The following SLC35D4 variants were observed in gnomAD, a reference collection of about 807,000 sequenced individuals.
SLC35D4 encodes UDP-N-acetylglucosamine transporter SLC35D4.
chr18:23,244,459 G>C, the SLC35D4 span, among the ~76,000 whole-genome samples: 1 of 152,206 alleles, frequency 6.6e-6, no homozygotes, highest in Non-Finnish European at 1.5e-5. Flanking sequence ...TAGGCTACCC[G>C]TTTATTTCCA....
the SLC35D4 span, among the ~76,000 whole-genome samples, chr18:23,431,907 T>TA: frequency 1.3e-5 from 2 of 152,170 alleles, no homozygotes; most frequent in Non-Finnish European, 2.9e-5. Flanking sequence ...TCACATGCTC[T>TA]AAAAAAATGG....
the SLC35D4 span, among the ~76,000 whole-genome samples, chr18:23,270,147 G>A: frequency 1.3e-5 from 2 of 152,230 alleles, no homozygotes; most frequent in African/African-American, 4.8e-5. Context: ...AGGGCTCCCT[G>A]CTGTGGGGAG....
chr18:23,325,658 A>G, the SLC35D4 span, among the ~76,000 whole-genome samples: 15 of 152,230 alleles, frequency 9.9e-5, no homozygotes, highest in African/African-American at 2.7e-4. Flanking sequence ...AATTTAATAA[A>G]TCTGTCAGCT....
chr18:23,410,783 G>A, the SLC35D4 span, among the ~76,000 whole-genome samples: 1 of 152,152 alleles, frequency 6.6e-6, no homozygotes, highest in African/African-American at 2.4e-5. Context: ...GGCGACACAA[G>A]TGAGACTCCA....
At chr18:23,415,100 A>C in the SLC35D4 span, among the ~76,000 whole-genome samples, 6 of 152,222 alleles carry the variant, frequency 3.9e-5, no homozygotes, top group Admixed American at 6.5e-5. Flanking sequence ...CAACAGAGCA[A>C]GACTCTGTCT....
the SLC35D4 span, among the ~76,000 whole-genome samples, chr18:23,355,253 G>C: frequency 2.0e-5 from 3 of 152,154 alleles, no homozygotes; most frequent in African/African-American, 7.2e-5. Flanking sequence ...GAAAGTTGCA[G>C]ATTAAAAGGG....
At chr18:23,266,406 C>CAAAA in the SLC35D4 span, among the ~76,000 whole-genome samples, 4 of 103,720 alleles carry the variant, frequency 3.9e-5, no homozygotes, top group Admixed American at 9.5e-5. Context: ...TAATTCTTAG[C>CAAAA]AAAAAAAAAA....
the SLC35D4 span, among the ~76,000 whole-genome samples, chr18:23,342,376 C>A: frequency 2.1e-4 from 32 of 152,216 alleles, no homozygotes; most frequent in African/African-American, 7.5e-4. Flanking sequence ...GAGGTTCATC[C>A]ATGCTGTAGC....
the SLC35D4 span, chr18:23,253,657 T>C: frequency 1.6e-6 from 2 of 1,248,300 alleles, no homozygotes; most frequent in Admixed American, 2.0e-5. Context: ...GCATTCAAGA[T>C]GGGGGAGTTT....
the SLC35D4 span, among the ~76,000 whole-genome samples, chr18:23,346,833 T>G: frequency 6.6e-6 from 1 of 152,250 alleles, no homozygotes; most frequent in Non-Finnish European, 1.5e-5. Flanking sequence ...TAGTTAATTT[T>G]TGTATGTTAA....
At chr18:23,251,644 G>A in the SLC35D4 span, among the ~76,000 whole-genome samples, 1 of 152,142 alleles carries the variant, frequency 6.6e-6, no homozygotes, top group Non-Finnish European at 1.5e-5. Context: ...GATCCTTTAA[G>A]GATTTCTCCA....
the SLC35D4 span, among the ~76,000 whole-genome samples, chr18:23,411,757 AC>A: frequency 0.1 from 15,689 of 152,212 alleles, 1,080 homozygotes; most frequent in Middle Eastern, 0.19. Context: ...ATCCCTAAGA[AC>A]CCTGATGAAC....
At chr18:23,369,190 C>T in the SLC35D4 span, among the ~76,000 whole-genome samples, 1 of 152,228 alleles carries the variant, frequency 6.6e-6, no homozygotes, top group South Asian at 2.1e-4. Context: ...TATCTGGCAA[C>T]TCTACTGGCT....
At chr18:23,313,126 CAAAAAAAAAAAAAAAAAA>C in the SLC35D4 span, among the ~76,000 whole-genome samples, 793 of 29,578 alleles carry the variant, frequency 0.027, 30 homozygotes, top group African/African-American at 0.082. Flanking sequence ...GACTACATCT[CAAAAAAAAAAAAAAAAAA>C]AAAAAAAAAA....
the SLC35D4 span, chr18:23,257,305 G>A: frequency 3.2e-5 from 51 of 1,613,718 alleles, no homozygotes; most frequent in Middle Eastern, 1.6e-4. Context: ...CTTGGAATTC[G>A]CCCTCCACTT....
chr18:23,263,547 C>T, the SLC35D4 span, among the ~76,000 whole-genome samples: 44 of 152,330 alleles, frequency 2.9e-4, no homozygotes, highest in Admixed American at 8.5e-4. Flanking sequence ...TCAGGTTTAA[C>T]GCAGCCAGTG....
chr18:23,425,426 C>T, the SLC35D4 span, among the ~76,000 whole-genome samples: 1 of 152,318 alleles, frequency 6.6e-6, no homozygotes, highest in African/African-American at 2.4e-5. Context: ...TACAGATGCT[C>T]TTCAACTTAG....
the SLC35D4 span, among the ~76,000 whole-genome samples, chr18:23,373,504 C>T: frequency 2.6e-5 from 4 of 152,232 alleles, no homozygotes; most frequent in Admixed American, 6.5e-5. Flanking sequence ...CTGCAGGCCA[C>T]GATGCCTGCA....
chr18:23,437,653 G>T, the SLC35D4 span: 2 of 965,268 alleles, frequency 2.1e-6, no homozygotes, highest in African/African-American at 1.7e-5. Flanking sequence ...GAGGAGGTTC[G>T]CTCTCCATCT....
Sources: gnomAD v4.1 joint callset for allele counts (sites outside exome capture counted in the v4.1 genomes callset) on GRCh38, gnomAD v4.1.1 for gene constraint, MANE v1.5 for transcripts, NCBI Gene and HGNC (gene_info 2026-07-23, HGNC 2026-07-21) for gene names.